Variants in ST18 observed in about 807,000 individuals in gnomAD.
ST18 encodes suppression of tumorigenicity 18 protein.
A neutral mutation model predicts 110.0 loss-of-function variants in ST18; 50 were observed. The ratio of observed to expected loss-of-function variants is 0.45; its 90% CI spans 0.36 to 0.58. The LOEUF (loss-of-function observed/expected upper bound fraction) is 0.58. ST18 is among the 20% of genes least tolerant of loss of function. The pLI is 0.00. For synonymous variants in ST18, 461 were observed against 452.4 expected (o/e 1.02, Z -0.24); for missense variants, 1,306 against 1,280.1 (o/e 1.02, Z -0.31).
intron 9 of ST18, among the ~76,000 whole-genome samples, chr8:52,177,535 G>A (rs77754044): frequency 0.013 from 1,911 of 152,218 alleles, 31 homozygotes; most frequent in African/African-American, 0.044. Flanking sequence ...TTCCTCCTAG[G>A]GGGTGGGGGG....
chr8:52,269,774 G>T (rs1200265289), intron 2 of ST18, among the ~76,000 whole-genome samples: 1 of 152,212 alleles, frequency 6.6e-6, no homozygotes, highest in African/African-American at 2.4e-5. Context: ...TTATTTTACA[G>T]ATGAGGAAGT....
intron 2 of ST18, among the ~76,000 whole-genome samples, chr8:52,237,318 T>C (rs2092817374): frequency 6.6e-6 from 1 of 152,234 alleles, no homozygotes; most frequent in Non-Finnish European, 1.5e-5. Context: ...GTTAGTAGGA[T>C]AATTTGTTAA....
intron 19 of ST18, 136 bp from the exon 20 acceptor site, chr8:52,133,437 T>C (rs1297387738): frequency 4.3e-6 from 4 of 930,196 alleles, no homozygotes; most frequent in Non-Finnish European, 6.7e-6. Context: ...GGAGGCGGGG[T>C]CACACAGCCA....
intron 2 of ST18, among the ~76,000 whole-genome samples, chr8:52,343,911 C>T (rs1234650139): frequency 6.6e-6 from 1 of 152,164 alleles, no homozygotes; most frequent in Non-Finnish European, 1.5e-5. Context: ...AAGGTATTCT[C>T]AGCTAACATA....
intron 11 of ST18, among the ~76,000 whole-genome samples, chr8:52,165,552 A>C (rs977768684): frequency 2.0e-5 from 3 of 152,232 alleles, no homozygotes; most frequent in African/African-American, 7.2e-5. Flanking sequence ...TGGATGGAGC[A>C]TGCCGTTTGT....
intron 2 of ST18, among the ~76,000 whole-genome samples, chr8:52,365,603 AT>A (rs1827565143): frequency 6.6e-6 from 1 of 151,726 alleles, no homozygotes; most frequent in Non-Finnish European, 1.5e-5. Context: ...AACTTACGTT[AT>A]TTATGTCCAT....
At chr8:52,402,956 TG>T (rs1372853964) in intron 2 of ST18, among the ~76,000 whole-genome samples, 1 of 152,126 alleles carries the variant, frequency 6.6e-6, no homozygotes, top group Non-Finnish European at 1.5e-5. Context: ...AAGAGCACAC[TG>T]CCATAAGGGC....
intron 13 of ST18, among the ~76,000 whole-genome samples, chr8:52,162,659 A>G (rs2061772195): frequency 6.6e-6 from 1 of 152,232 alleles, no homozygotes; most frequent in Non-Finnish European, 1.5e-5. Flanking sequence ...TGAATTATAT[A>G]TTCTTTTAGA....
chr8:52,128,215 C>T (rs751111902), intron 22 of ST18, among the ~76,000 whole-genome samples: 1 of 152,188 alleles, frequency 6.6e-6, no homozygotes, highest in Non-Finnish European at 1.5e-5. Context: ...GTGATCTGCC[C>T]GCCTTGGCCT....
chr8:52,180,336 G>A, intron 8 of ST18, 24 bp from the exon 9 acceptor site: 1 of 1,611,528 alleles, frequency 6.2e-7, no homozygotes, highest in Non-Finnish European at 8.5e-7. Flanking sequence ...GGAAAATTAA[G>A]AATATGGTAA....
At chr8:52,247,386 A>G (rs2093948358) in intron 2 of ST18, among the ~76,000 whole-genome samples, 1 of 152,178 alleles carries the variant, frequency 6.6e-6, no homozygotes, top group Non-Finnish European at 1.5e-5. Context: ...CTTAATGACA[A>G]TACAGACCTA....
intron 2 of ST18, among the ~76,000 whole-genome samples, chr8:52,262,362 T>C (rs1288167818): frequency 6.6e-6 from 1 of 152,208 alleles, no homozygotes; most frequent in Non-Finnish European, 1.5e-5. Flanking sequence ...TGTGGGTCTG[T>C]GCCAAGGCAG....
chr8:52,118,595 G>C (rs904592147), intron 23 of ST18, among the ~76,000 whole-genome samples, 154 bp from the exon 24 acceptor site: 1 of 152,148 alleles, frequency 6.6e-6, no homozygotes, highest in Admixed American at 6.5e-5. Context: ...AAGTGGATAA[G>C]AGAAGTTACA....
At chr8:52,243,617 A>T (rs1197004927) in intron 2 of ST18, among the ~76,000 whole-genome samples, 4 of 152,154 alleles carry the variant, frequency 2.6e-5, no homozygotes, top group African/African-American at 9.7e-5. Flanking sequence ...TAAAAATAGG[A>T]TACAAATGGA....
chr8:52,313,885 G>T (rs1347705065), intron 2 of ST18, among the ~76,000 whole-genome samples: 1 of 152,198 alleles, frequency 6.6e-6, no homozygotes, highest in East Asian at 1.9e-4. Flanking sequence ...GATCCCAGAG[G>T]TGCTGCTCCC....
intron 8 of ST18, among the ~76,000 whole-genome samples, chr8:52,185,153 A>G (rs146742177): frequency 6.6e-6 from 1 of 152,310 alleles, no homozygotes; most frequent in East Asian, 1.9e-4. Context: ...CCAGCCACAA[A>G]CAATTAGAAA....
At chr8:52,319,282 C>T (rs539233608) in intron 2 of ST18, among the ~76,000 whole-genome samples, 46 of 152,196 alleles carry the variant, frequency 3.0e-4, no homozygotes, top group African/African-American at 9.9e-4. Context: ...AAGCATTTCT[C>T]TGTGTATATA....
At chr8:52,369,823 A>T (rs1829590618) in intron 2 of ST18, among the ~76,000 whole-genome samples, 1 of 152,228 alleles carries the variant, frequency 6.6e-6, no homozygotes, top group African/African-American at 2.4e-5. Context: ...ATAATAAAAA[A>T]TAATTGCCAT....
chr8:52,163,482 G>A (rs2061979742), intron 13 of ST18, among the ~76,000 whole-genome samples: 1 of 152,076 alleles, frequency 6.6e-6, no homozygotes, highest in African/African-American at 2.4e-5. Flanking sequence ...GGAGCTACCA[G>A]GACCAATAGG....
Sources: gnomAD v4.1 joint callset for allele counts (sites outside exome capture counted in the v4.1 genomes callset) on GRCh38, gnomAD v4.1.1 for gene constraint, MANE v1.5 for transcripts, NCBI Gene and HGNC (gene_info 2026-07-23, HGNC 2026-07-21) for gene names.